The following MAD1L1 variants were observed in gnomAD, a reference collection of about 807,000 sequenced individuals.
The protein encoded by MAD1L1 is mitotic arrest deficient 1 like 1.
Under a neutral mutation model 96.9 loss-of-function variants are expected in MAD1L1, and 95 were observed. The observed-to-expected ratio is 0.98, with a 90% CI of 0.83 to 1.16. The LOEUF (loss-of-function observed/expected upper bound fraction) is 1.16. Among genes scored for constraint, MAD1L1 ranks in the 50% most tolerant of loss-of-function variants. The pLI is 0.00. For synonymous variants in MAD1L1, 473 were observed against 396.6 expected (o/e 1.19, Z -2.29); for missense variants, 1,007 against 954.4 (o/e 1.06, Z -0.73).
At chr7:1,831,268 C>G (rs1042333745) in intron 18 of MAD1L1, among the ~76,000 whole-genome samples, 5 of 152,196 alleles carry the variant, frequency 3.3e-5, no homozygotes, top group Admixed American at 3.3e-4. Flanking sequence ...TTATGGTACT[C>G]TGTCATCTGT....
chr7:1,903,388 G>A (rs371152946), intron 17 of MAD1L1, among the ~76,000 whole-genome samples: 2 of 151,260 alleles, frequency 1.3e-5, no homozygotes, highest in East Asian at 1.9e-4. Context: ...CGAGGACACA[G>A]TGGCCTATGG....
intron 11 of MAD1L1, among the ~76,000 whole-genome samples, chr7:2,076,608 T>C (rs1010169813): frequency 1.3e-5 from 2 of 152,258 alleles, no homozygotes; most frequent in African/African-American, 4.8e-5. Context: ...GCTTCCGGGC[T>C]GATGACTGCC....
chr7:1,954,005 G>A (rs1175026996), intron 16 of MAD1L1, among the ~76,000 whole-genome samples: 1 of 152,016 alleles, frequency 6.6e-6, no homozygotes, highest in Non-Finnish European at 1.5e-5. Context: ...GGCGGCCTGT[G>A]AGCCCCGACT....
At chr7:1,860,793 G>A (rs975553918) in intron 18 of MAD1L1, among the ~76,000 whole-genome samples, 1 of 152,206 alleles carries the variant, frequency 6.6e-6, no homozygotes, top group Non-Finnish European at 1.5e-5. Context: ...CTCGGCCTCA[G>A]GAAGGGATGC....
chr7:1,980,412 G>A (rs1780844879), intron 15 of MAD1L1, 41 bp downstream of exon 15: 1 of 1,562,320 alleles, frequency 6.4e-7, no homozygotes, highest in African/African-American at 1.4e-5. Context: ...CTCTCTGGGG[G>A]ACACACCTGG....
chr7:2,014,406 G>A (rs987509238), intron 13 of MAD1L1, 96 bp downstream of exon 13: 27 of 1,411,672 alleles, frequency 1.9e-5, no homozygotes, highest in Non-Finnish European at 2.3e-5. Context: ...GGGGAGGCGG[G>A]GTCCAGACCT....
intron 12 of MAD1L1, among the ~76,000 whole-genome samples, chr7:2,060,074 C>G: frequency 6.6e-6 from 1 of 151,536 alleles, no homozygotes; most frequent in Middle Eastern, 3.4e-3. Context: ...TATCAAGATA[C>G]GCTGATGCCA....
chr7:2,110,528 C>T (rs1182446962), intron 11 of MAD1L1, among the ~76,000 whole-genome samples: 1 of 152,186 alleles, frequency 6.6e-6, no homozygotes, highest in Non-Finnish European at 1.5e-5. Context: ...AACAGTGATT[C>T]GCTCTGACTC....
At chr7:2,034,759 G>A (rs1783390822) in intron 12 of MAD1L1, among the ~76,000 whole-genome samples, 1 of 152,238 alleles carries the variant, frequency 6.6e-6, no homozygotes, top group African/African-American at 2.4e-5. Flanking sequence ...TGAATGAACA[G>A]GGGAGGAAAG....
chr7:2,086,408 G>A (rs1300311193), intron 11 of MAD1L1, among the ~76,000 whole-genome samples: 1 of 152,192 alleles, frequency 6.6e-6, no homozygotes, highest in African/African-American at 2.4e-5. Flanking sequence ...TTAATTGGAG[G>A]CTCCAGACAG....
chr7:1,939,122 A>G (rs550956051), intron 16 of MAD1L1, among the ~76,000 whole-genome samples: 10 of 131,202 alleles, frequency 7.6e-5, no homozygotes, highest in Non-Finnish European at 1.1e-4. Flanking sequence ...AGAGGCGCGC[A>G]CACACACACG....
At chr7:1,934,208 C>A (rs1311794840) in intron 17 of MAD1L1, among the ~76,000 whole-genome samples, 1 of 152,236 alleles carries the variant, frequency 6.6e-6, no homozygotes, top group African/African-American at 2.4e-5. Flanking sequence ...TCCTCCCCTT[C>A]CTGCTTCCAG....
chr7:1,885,373 G>A (rs774458254), intron 18 of MAD1L1, among the ~76,000 whole-genome samples: 16 of 152,184 alleles, frequency 1.1e-4, no homozygotes, highest in Non-Finnish European at 2.2e-4. Flanking sequence ...TCTGCCTAGA[G>A]AAAGATGGAG....
At chr7:2,199,763 C>A (rs574217554) in intron 10 of MAD1L1, among the ~76,000 whole-genome samples, 3 of 152,234 alleles carry the variant, frequency 2.0e-5, no homozygotes, top group Admixed American at 2.0e-4. Flanking sequence ...TCCTAGGAGA[C>A]GGCTTTCTCA....
chr7:1,913,420 C>T (rs12699453), intron 17 of MAD1L1, among the ~76,000 whole-genome samples: 66,520 of 151,856 alleles, frequency 0.44, 14,783 homozygotes, highest in Admixed American at 0.55. Flanking sequence ...GAGGAATCCG[C>T]GCGTGCACGC....
chr7:1,978,341 G>C (rs1303702723), intron 15 of MAD1L1, among the ~76,000 whole-genome samples: 1 of 152,240 alleles, frequency 6.6e-6, no homozygotes, highest in Non-Finnish European at 1.5e-5. Flanking sequence ...GGCTGCTCTT[G>C]CAAGTCAGGG....
At chr7:2,154,297 CAG>C (rs1789717656) in intron 10 of MAD1L1, among the ~76,000 whole-genome samples, 1 of 152,174 alleles carries the variant, frequency 6.6e-6, no homozygotes, top group African/African-American at 2.4e-5. Context: ...CTCCTAAAGG[CAG>C]AGAGTAGAAT....
chr7:1,854,505 G>A, intron 18 of MAD1L1: 1 of 393,138 alleles, frequency 2.5e-6, no homozygotes. Flanking sequence ...CTTTCTCACT[G>A]TCTGTCACAC....
chr7:2,092,956 G>C (rs900054830), intron 11 of MAD1L1, among the ~76,000 whole-genome samples: 1 of 152,038 alleles, frequency 6.6e-6, no homozygotes, highest in Non-Finnish European at 1.5e-5. Flanking sequence ...AAAGCATTTG[G>C]GCCGAGTGCA....
Sources: allele counts gnomAD v4.1 joint callset (sites outside exome capture counted in the v4.1 genomes callset), GRCh38; gene constraint gnomAD v4.1.1; transcripts MANE v1.5; gene names NCBI Gene and HGNC (gene_info 2026-07-23, HGNC 2026-07-21).